Variants in GPC1 observed in about 807,000 individuals in gnomAD.
The protein encoded by GPC1 is glypican-1.
GPC1 carries 26 observed loss-of-function variants against 51.5 expected under a neutral mutation model. The ratio of observed to expected loss-of-function variants is 0.50; its 90% CI spans 0.37 to 0.70. The LOEUF (loss-of-function observed/expected upper bound fraction) is 0.70. GPC1 is among the 30% of genes least tolerant of loss of function. The probability of loss-of-function intolerance (pLI) is 0.00; values close to 1 mark genes in which losing one functional copy is unlikely to be tolerated. For missense variants in GPC1, 775 were observed against 800.5 expected (o/e 0.97, Z 0.38); for synonymous variants, 380 against 348.3 (o/e 1.09, Z -1.01).
chr2:240,453,294 GGCGTCC>G (rs1319308405), intron 1 of GPC1, among the ~76,000 whole-genome samples: 1 of 8,316 alleles, frequency 1.2e-4, no homozygotes, highest in African/African-American at 8.7e-4. Flanking sequence ...GCCGCATCCC[GGCGTCC>G]CCGCCCCGCT....
Position 240,463,479 on chromosome 2 carries a change from G to A in GPC1, c.850G>A (p.Ala284Thr), listed in dbSNP as rs778481253. The stretch of plus-strand genomic sequence containing the variant: ...GCTCAAGGGCTGCCTTGCCAACCAG[G>A]CCGACCTGGACGCCGAGTGGAGGAA... The part of the protein sequence containing the change: ...NVLKGCLANQ[A>T]DLDAEWRNLL... The change falls in exon 4 of 9, where the codon GCC becomes ACC. Residue 284 changes from alanine (A) to threonine (T), a missense_variant. By Grantham distance (58) the Ala-to-Thr change is moderately conservative. Transcript: ENST00000264039. 2 of 1,613,010 alleles carry A rather than the reference G, an allele frequency of 1.2e-6. No homozygotes were observed. Among genetic ancestry groups the A allele is most frequent in the East Asian group, 4.5e-5 (2 of 44,884 alleles).
rs747166708 is a variant in GPC1 at position 240,465,577 on chromosome 2, T to C, written c.1373T>C (p.Met458Thr). Residue 458 changes from methionine (M) to threonine (T), a missense_variant, in exon 8 of 9, where the codon ATG becomes ACG. Transcript: ENST00000264039. ...GACATGACCATCCGGCAGCAGATCA[T>C]GCAGCTGAAGATCATGACCAACCGG... ...KPDMTIRQQI[M>T]QLKIMTNRLR... The C allele has an allele frequency of 3.7e-6, 6 of 1,613,156 alleles. No homozygotes were observed. Among genetic ancestry groups the C allele is most frequent in the Middle Eastern group, 1.6e-4 (1 of 6,062 alleles).
chr2:240,446,465 A>G (rs925092660), intron 1 of GPC1, among the ~76,000 whole-genome samples: 2 of 152,238 alleles, frequency 1.3e-5, no homozygotes, highest in Non-Finnish European at 2.9e-5. Flanking sequence ...GTGAGTTACA[A>G]GTAAAGGGGT....
At position 240,448,259 on chromosome 2, in the gene GPC1, C is replaced by T. The variant is rs2074065867; in HGVS notation, c.167-10771C>T. On this transcript the variant is annotated intron_variant, in intron 1 of 8. Coordinates refer to ENST00000264039, the MANE Select transcript of GPC1 (RefSeq NM_002081.3). This position sits in a 1 kb window ranked among gnomAD's most constrained non-coding sequence, Gnocchi z 4.5. Reference sequence around the variant, plus strand: ...CCTACGGGATGGGGCTGGTTCGTTCCCCCAGGCTGTCTGCCTCCTGGATCT... The same window carrying T: ...CCTACGGGATGGGGCTGGTTCGTTCTCCCAGGCTGTCTGCCTCCTGGATCT... Among the ~76,000 whole-genome samples, 1 of 152,092 alleles carries T rather than the reference C, an allele frequency of 6.6e-6. No homozygotes were observed. Among genetic ancestry groups the T allele is most frequent in the Admixed American group, 6.5e-5 (1 of 15,282 alleles).
At chr2:240,461,487 G>T (rs1168285736) in intron 2 of GPC1, among the ~76,000 whole-genome samples, 3 of 152,128 alleles carry the variant, frequency 2.0e-5, no homozygotes, top group African/African-American at 7.2e-5. Flanking sequence ...GGGGTACGGG[G>T]GCTTTTCCCT....
rs147909928 is a variant in GPC1, at chr2:240,463,828, T to A, written c.883+316T>A. On this transcript the variant is annotated intron_variant, in intron 4 of 8. Coordinates refer to ENST00000264039, the MANE Select transcript of GPC1 (RefSeq NM_002081.3). ...CGTGTGACTCATCGAGGACCGGCAC[T>A]TGTTTAAGCTAACACATACATGCAC... The A allele has an allele frequency of 1.8e-3, 739 of 403,020 alleles. 1 individual carries two copies. The highest frequency in any genetic ancestry group is 5.6e-3 in the South Asian group (163 of 29,252). 25.0% of individuals were successfully genotyped at this position (403,020 alleles called of 1,614,324 possible). A position where few individuals can be genotyped will look rare whatever the true frequency, so the allele number is the denominator to read the frequency against.
At chr2:240,457,324 G>A (rs1574772703) in intron 1 of GPC1, 2 of 437,168 alleles carry the variant, frequency 4.6e-6, no homozygotes, top group Admixed American at 4.8e-5. Context: ...CAGGCACAGA[G>A]GCTACAGGGG....
chr2:240,449,757 A>T (rs1211559674), intron 1 of GPC1: 2 of 452,858 alleles, frequency 4.4e-6, no homozygotes, highest in African/African-American at 4.0e-5. Context: ...TTCAGTCTCT[A>T]TGAATCCGAC....
At chr2:240,454,194 A>G (rs1488547793) in intron 1 of GPC1, among the ~76,000 whole-genome samples, 1 of 152,178 alleles carries the variant, frequency 6.6e-6, no homozygotes, top group African/African-American at 2.4e-5. Context: ...GGTGGGGCCA[A>G]GGCTGCCTCT....
chr2:240,461,701 G>T (rs1427249327), intron 2 of GPC1, among the ~76,000 whole-genome samples: 3 of 152,158 alleles, frequency 2.0e-5, no homozygotes, highest in African/African-American at 7.2e-5. Flanking sequence ...AGACAGGGTG[G>T]CGGGAGGGGC....
intron 1 of GPC1, among the ~76,000 whole-genome samples, chr2:240,446,337 A>G (rs2074050485): frequency 6.6e-6 from 1 of 152,248 alleles, no homozygotes; most frequent in Non-Finnish European, 1.5e-5. Context: ...TGGGTGCTGA[A>G]ACGCAGCTGC....
Position 240,453,789 on chromosome 2 carries a change from C to T in GPC1, c.167-5241C>T, listed in dbSNP as rs1453265767. 7.2e-5 allele frequency among the ~76,000 whole-genome samples: 11 copies of T among 152,040 alleles called. No individual in the cohort carries two copies. The East Asian group carries it at 2.1e-3, about 30-fold the overall frequency. On this transcript the variant is annotated intron_variant, in intron 1 of 8. Transcript: ENST00000264039. ...CTTCGTCCCTGGCCGCGGCGGCTGG[C>T]GACTGGCATCGGGGCGCCCGGGACC...
At chr2:240,456,828 C>T in intron 1 of GPC1, 1 of 327,432 alleles carries the variant, frequency 3.1e-6, no homozygotes, top group Non-Finnish European at 6.3e-6. Flanking sequence ...GAAGGATGGT[C>T]CCTGGCGAGT....
At chr2:240,462,700 A>G (rs1208129786) in intron 3 of GPC1, 118 bp downstream of exon 3, 2 of 903,932 alleles carry the variant, frequency 2.2e-6, no homozygotes, top group East Asian at 2.6e-5. Context: ...CCAGCCTCTG[A>G]CCTCAGCCCC....
chr2:240,449,194 C>CT (rs1205518001), intron 1 of GPC1: 1 of 152,842 alleles, frequency 6.5e-6, no homozygotes, highest in Non-Finnish European at 1.5e-5. Context: ...TGCTGACAGC[C>CT]TGGACGGGGT....
intron 4 of GPC1, 96 bp downstream of exon 4, chr2:240,463,608 C>A: frequency 9.6e-7 from 1 of 1,039,266 alleles, no homozygotes; most frequent in Non-Finnish European, 1.4e-6. Flanking sequence ...AGAGCTTGGA[C>A]CCAGGGACCT....
In GPC1 at chr2:240,460,270, C is replaced by T. The variant is rs557102585; in HGVS notation, c.325+1082C>T. On this transcript the variant is annotated intron_variant, in intron 2 of 8. Transcript: ENST00000264039. ...CAGCCCTCCCCGCTGGTGTGGGGCC[C>T]GTGGGATGCGCGTGGCCCCTCTGGG... Among the ~76,000 whole-genome samples the T allele has an allele frequency of 5.9e-5, 9 of 152,196 alleles. No homozygotes were observed. The East Asian group carries it at 1.4e-3, about 23-fold the overall frequency.
chr2:240,459,272 A>G lies in GPC1; in HGVS notation c.325+84A>G, dbSNP rs955673218. On this transcript the variant is annotated intron_variant, in intron 2 of 8. Transcript: ENST00000264039. ...CACACTGGGCCTTGCCTGGTGTGTC[A>G]ATGCCAAGGGTGGGGGATTGGCAGG... The G allele has an allele frequency of 2.3e-6, 3 of 1,303,024 alleles. No homozygotes were observed. The African/African-American group carries it at 4.3e-5, about 19-fold the overall frequency. The allele number at this position is 1,303,024 out of a possible 1,614,324, so 80.7% of individuals were successfully genotyped here.
At chr2:240,465,355 C>G in intron 7 of GPC1, 118 bp from the exon 8 acceptor site, 5 of 1,340,562 alleles carry the variant, frequency 3.7e-6, no homozygotes, top group South Asian at 1.4e-5. Flanking sequence ...GGGCTCTGCT[C>G]GGTCCCTGGA....
Sources: allele counts gnomAD v4.1 joint callset (sites outside exome capture counted in the v4.1 genomes callset), GRCh38; gene constraint gnomAD v4.1.1; non-coding constraint Gnocchi (gnomAD v3.1); transcripts MANE v1.5; gene names NCBI Gene and HGNC (gene_info 2026-07-23, HGNC 2026-07-21).